HS6ST3: variants seen among roughly 807,000 people sequenced by gnomAD.
The protein encoded by HS6ST3 is heparan-sulfate 6-O-sulfotransferase 3.
In HS6ST3, 12 loss-of-function variants were observed where a neutral mutation model predicts 36.7. The observed-to-expected ratio is 0.33, with a 90% CI of 0.21 to 0.53. The LOEUF is 0.53. Among genes scored for constraint, HS6ST3 ranks in the 20% least tolerant of loss-of-function variants. HS6ST3 has a pLI of 0.95. For synonymous variants in HS6ST3, 240 were observed against 257.5 expected, an observed-to-expected ratio of 0.93 and a Z score of 0.65; for missense variants, 584 against 640.9, an observed-to-expected ratio of 0.91 and a Z score of 0.96.
intron 1 of HS6ST3, among the ~76,000 whole-genome samples, chr13:96,745,810 C>T (rs994524863): frequency 6.6e-6 from 1 of 152,100 alleles, no homozygotes; most frequent in Admixed American, 6.6e-5. Context: ...TTATAGCCAA[C>T]TTCCCACTGG....
intron 1 of HS6ST3, among the ~76,000 whole-genome samples, chr13:96,287,766 C>T (rs2054810539): frequency 6.6e-6 from 1 of 151,928 alleles, no homozygotes; most frequent in African/African-American, 2.4e-5. Flanking sequence ...CTGTTTCTCC[C>T]ATCTCCTTCT....
intron 1 of HS6ST3, among the ~76,000 whole-genome samples, chr13:96,593,561 A>G (rs1387509904): frequency 6.6e-6 from 1 of 151,210 alleles, no homozygotes; most frequent in Non-Finnish European, 1.5e-5. Context: ...GATTAATTCT[A>G]CTACTAAAAG....
chr13:96,543,351 C>A (rs1037281003), intron 1 of HS6ST3, among the ~76,000 whole-genome samples: 1 of 152,104 alleles, frequency 6.6e-6, no homozygotes, highest in African/African-American at 2.4e-5. Context: ...TCACAGGATC[C>A]AAATAGACAC....
At chr13:96,182,671 C>A (rs1594707280) in intron 1 of HS6ST3, among the ~76,000 whole-genome samples, 2 of 152,288 alleles carry the variant, frequency 1.3e-5, no homozygotes, top group African/African-American at 4.8e-5. Flanking sequence ...TTGCAATTGG[C>A]AGCAGACATA....
chr13:96,187,634 T>C (rs1004952987), intron 1 of HS6ST3, among the ~76,000 whole-genome samples: 1 of 152,140 alleles, frequency 6.6e-6, no homozygotes, highest in Non-Finnish European at 1.5e-5. Context: ...AAAGTGTGAC[T>C]CAGTGACTCT....
chr13:96,179,989 A>G (rs2139339397), intron 1 of HS6ST3, among the ~76,000 whole-genome samples: 1 of 152,078 alleles, frequency 6.6e-6, no homozygotes. Context: ...ATGCACCACC[A>G]CACCCAGCTA....
chr13:96,589,051 A>C (rs2056373121), intron 1 of HS6ST3, among the ~76,000 whole-genome samples: 1 of 148,534 alleles, frequency 6.7e-6, no homozygotes, highest in African/African-American at 2.5e-5. Context: ...ACTCCATCTC[A>C]AGAGAAAAAA....
intron 1 of HS6ST3, among the ~76,000 whole-genome samples, chr13:96,789,132 T>G (rs1235505079): frequency 6.6e-6 from 1 of 151,856 alleles, no homozygotes. Flanking sequence ...TGAATATTTT[T>G]TGTTACTCCA....
chr13:96,322,834 T>C (rs1489850046), intron 1 of HS6ST3, among the ~76,000 whole-genome samples: 1 of 152,228 alleles, frequency 6.6e-6, no homozygotes, highest in Admixed American at 6.5e-5. Context: ...TGTAGCTAAA[T>C]CCGATGGTCA....
intron 1 of HS6ST3, among the ~76,000 whole-genome samples, chr13:96,542,959 GA>G (rs1158963304): frequency 6.6e-6 from 1 of 152,132 alleles, no homozygotes; most frequent in East Asian, 1.9e-4. Flanking sequence ...CTCGAAAGGA[GA>G]TTTATATTCT....
chr13:96,647,292 T>C (rs755444956), intron 1 of HS6ST3, among the ~76,000 whole-genome samples: 4 of 152,120 alleles, frequency 2.6e-5, no homozygotes, highest in East Asian at 1.9e-4. Flanking sequence ...GTAACCCAAA[T>C]CTAAATAGAA....
chr13:96,614,777 A>G (rs1266365546), intron 1 of HS6ST3, among the ~76,000 whole-genome samples: 1 of 152,194 alleles, frequency 6.6e-6, no homozygotes, highest in Non-Finnish European at 1.5e-5. Context: ...ATGTAAAATG[A>G]TGGTTTTGTT....
chr13:96,260,495 A>G (rs914807926), intron 1 of HS6ST3, among the ~76,000 whole-genome samples: 3 of 151,448 alleles, frequency 2.0e-5, no homozygotes, highest in Non-Finnish European at 4.4e-5. Flanking sequence ...AAATATTTTT[A>G]CTAGAGACGG....
At chr13:96,205,807 C>A (rs533593131) in intron 1 of HS6ST3, among the ~76,000 whole-genome samples, 1 of 152,092 alleles carries the variant, frequency 6.6e-6, no homozygotes, top group Non-Finnish European at 1.5e-5. Flanking sequence ...ATTGAAAGAA[C>A]ATACCTCAAA....
intron 1 of HS6ST3, among the ~76,000 whole-genome samples, chr13:96,594,358 G>C (rs562462220): frequency 1.3e-5 from 2 of 151,898 alleles, no homozygotes; most frequent in African/African-American, 4.8e-5. Flanking sequence ...TTCATTCATC[G>C]TTTTCTAGTT....
intron 1 of HS6ST3, among the ~76,000 whole-genome samples, chr13:96,288,169 T>G (rs1566312628): frequency 6.6e-6 from 1 of 152,176 alleles, no homozygotes; most frequent in Non-Finnish European, 1.5e-5. Flanking sequence ...ACACATAAGT[T>G]TGAGAGTCAC....
In HS6ST3 at chr13:96,688,229, ATCATC is replaced by A. The variant is rs760633085; in HGVS notation, c.708-144260_708-144256del. On this transcript the variant is annotated intron_variant, in intron 1 of 1. Transcript: ENST00000376705. ...AACTTAAAGTATAATAATAATAATCATCATCATCATAATAAAAAGACTCTCTCTGG... is the reference window on the plus strand; with the variant it reads ...AACTTAAAGTATAATAATAATAATCAATCATAATAAAAAGACTCTCTCTGG... Among the ~76,000 whole-genome samples the A allele has an allele frequency of 3.2e-3, 474 of 147,146 alleles. 7 individuals are homozygous for A. Among genetic ancestry groups the A allele is most frequent in the African/African-American group, 0.01 (415 of 39,688 alleles).
chr13:96,738,885 A>T (rs190879240), intron 1 of HS6ST3, among the ~76,000 whole-genome samples: 1 of 152,262 alleles, frequency 6.6e-6, no homozygotes, highest in East Asian at 1.9e-4. Context: ...ACCTCAAAAG[A>T]ATTAGTCCAT....
intron 1 of HS6ST3, among the ~76,000 whole-genome samples, chr13:96,095,614 T>G (rs529281079): frequency 1.0e-3 from 159 of 152,296 alleles, no homozygotes; most frequent in Non-Finnish European, 2.1e-3. Context: ...CTTCCCATAC[T>G]CCTTTCGATA....
Sources: allele counts gnomAD v4.1 joint callset (sites outside exome capture counted in the v4.1 genomes callset), GRCh38; gene constraint gnomAD v4.1.1; transcripts MANE v1.5; gene names NCBI Gene and HGNC (gene_info 2026-07-23, HGNC 2026-07-21).